GSTCD: variants seen among roughly 807,000 people sequenced by gnomAD.
The protein encoded by GSTCD is glutathione S-transferase C-terminal domain containing.
Under a neutral mutation model 68.3 loss-of-function variants are expected in GSTCD, and 44 were observed. The observed-to-expected ratio is 0.64, with a 90% CI of 0.51 to 0.83. The LOEUF is 0.83. Among genes scored for constraint, GSTCD ranks in the 40% least tolerant of loss-of-function variants. The pLI is 0.00. For missense variants in GSTCD, 739 were observed against 735.9 expected (o/e 1.00, Z -0.05); for synonymous variants, 273 against 255.2 (o/e 1.07, Z -0.67).
intron 5 of GSTCD, chr4:105,761,708 C>T (rs977742753): frequency 3.3e-5 from 5 of 152,046 alleles, no homozygotes; most frequent in African/African-American, 1.2e-4. Context: ...TTGCTATTTA[C>T]TTCTGGGATG....
chr4:105,726,886 A>G (rs1041261001), intron 4 of GSTCD, 56 bp downstream of exon 4: 2 of 1,322,718 alleles, frequency 1.5e-6, no homozygotes, highest in East Asian at 2.3e-5. Flanking sequence ...ATTGCTGAGC[A>G]TTCTACTCCA....
chr4:105,735,561 G>A (rs1004914483), intron 5 of GSTCD, among the ~76,000 whole-genome samples: 1 of 152,016 alleles, frequency 6.6e-6, no homozygotes, highest in Non-Finnish European at 1.5e-5. Context: ...CAATTTTCCG[G>A]GTGCTGTGTG....
chr4:105,758,379 TA>T (rs760271129), intron 5 of GSTCD, among the ~76,000 whole-genome samples: 1 of 152,200 alleles, frequency 6.6e-6, no homozygotes, highest in African/African-American at 2.4e-5. Flanking sequence ...GTTTGGGTCA[TA>T]GGGGCAGATC....
chr4:105,807,271 A>T (rs1350484350), intron 5 of GSTCD: 3 of 152,040 alleles, frequency 2.0e-5, no homozygotes, highest in Non-Finnish European at 4.4e-5. Flanking sequence ...AAAATACTTC[A>T]ACGTGTGTCT....
At chr4:105,785,949 G>T (rs1735448959) in intron 5 of GSTCD, among the ~76,000 whole-genome samples, 2 of 151,934 alleles carry the variant, frequency 1.3e-5, no homozygotes, top group South Asian at 4.1e-4. Flanking sequence ...ACTTGCACCT[G>T]CAATGAACAA....
chr4:105,768,963 T>C (rs1178466036), intron 5 of GSTCD, among the ~76,000 whole-genome samples: 1 of 151,942 alleles, frequency 6.6e-6, no homozygotes, highest in African/African-American at 2.4e-5. Context: ...AGCTATTCAC[T>C]ATTTTATAGA....
intron 5 of GSTCD, among the ~76,000 whole-genome samples, chr4:105,763,809 C>T (rs376287789): frequency 2.0e-5 from 3 of 151,976 alleles, no homozygotes; most frequent in African/African-American, 4.8e-5. Context: ...CAAACCATTC[C>T]AAGGTTTTTA....
chr4:105,845,452 A>G lies in GSTCD; in HGVS notation c.1777A>G (p.Met593Val). Residue 593 changes from methionine to valine, a missense_variant, in exon 12 of 12, where the codon ATG becomes GTG. Physicochemically the swap from Met to Val is conservative, Grantham distance 21 (BLOSUM62 1). Coordinates refer to ENST00000515279, the MANE Select transcript of GSTCD (RefSeq NM_001370181.1). ...TGACTGTGTTTCAGGAAAACAGTGC[A>G]TGTGCTTGGTGGATCTGGATCGAGC... is the stretch of plus-strand genomic sequence containing the variant. Reference protein sequence around the residue: ...PQRRLIGKQCMCLVDLDRARA... With the variant: ...PQRRLIGKQCVCLVDLDRARA... 1 of 1,614,152 alleles carries G rather than the reference A, an allele frequency of 6.2e-7. No individual in the cohort carries two copies. Among genetic ancestry groups the G allele is most frequent in the East Asian group, 2.2e-5 (1 of 44,884 alleles).
chr4:105,831,278 G>C lies in GSTCD; in HGVS notation c.1531-3183G>C, dbSNP rs144173456. ...AACACCGGAGAGAATGATTGGGCTG[G>C]GGCAAGTTTAGAGATCATTCAGTTC... On this transcript the variant is annotated intron_variant, in intron 8 of 11. Coordinates refer to ENST00000515279, the MANE Select transcript of GSTCD (RefSeq NM_001370181.1). Among the ~76,000 whole-genome samples the C allele has an allele frequency of 2.2e-3, 336 of 152,266 alleles. 1 individual carries two copies. The highest frequency in any genetic ancestry group is 7.7e-3 in the African/African-American group (321 of 41,546).
chr4:105,723,816 C>G (rs946031076), intron 3 of GSTCD, among the ~76,000 whole-genome samples: 7 of 151,548 alleles, frequency 4.6e-5, no homozygotes, highest in Non-Finnish European at 7.4e-5. Context: ...TTTCACAACC[C>G]CTAAATGAGT....
At chr4:105,754,984 C>G (rs1734130484) in intron 5 of GSTCD, among the ~76,000 whole-genome samples, 1 of 140,054 alleles carries the variant, frequency 7.1e-6, no homozygotes, top group Non-Finnish European at 1.5e-5. Context: ...CTTTGGGAGG[C>G]TGAGACAGGA....
At chr4:105,757,658 G>A (rs1049522251) in intron 5 of GSTCD, among the ~76,000 whole-genome samples, 1 of 152,074 alleles carries the variant, frequency 6.6e-6, no homozygotes, top group African/African-American at 2.4e-5. Flanking sequence ...TTATATCTCT[G>A]TATCAAAAAG....
intron 5 of GSTCD, among the ~76,000 whole-genome samples, chr4:105,733,179 A>G (rs990371346): frequency 1.3e-5 from 2 of 152,102 alleles, no homozygotes; most frequent in Non-Finnish European, 2.9e-5. Context: ...TTTGGGATGG[A>G]GAGTTCTGTA....
At position 105,769,232 on chromosome 4, in the gene GSTCD, C is replaced by T. The variant is rs914525556; in HGVS notation, c.1240+39733C>T. ...TTTTTAAAAATATACTATACACGCG[C>T]GCACACACACACACACACACACACA... On this transcript the variant is annotated intron_variant, in intron 5 of 11. Transcript: ENST00000515279. Among the ~76,000 whole-genome samples the T allele has an allele frequency of 2.0e-4, 7 of 35,096 alleles. No homozygotes were observed. In the East Asian group the frequency reaches 2.6e-3, roughly 13 times the overall value. 23.0% of individuals were successfully genotyped at this position (35,096 alleles called of 152,430 possible).
intron 5 of GSTCD, among the ~76,000 whole-genome samples, chr4:105,743,798 A>G (rs1259783747): frequency 6.6e-6 from 1 of 151,364 alleles, no homozygotes; most frequent in Non-Finnish European, 1.5e-5. Flanking sequence ...AGCTGGGACT[A>G]CAGGCGCCCG....
At chr4:105,806,902 G>A (rs1722523594) in intron 5 of GSTCD, among the ~76,000 whole-genome samples, 1 of 151,990 alleles carries the variant, frequency 6.6e-6, no homozygotes, top group Admixed American at 6.6e-5. Context: ...GTCCTCAGCA[G>A]TTTTTCTTAT....
intron 3 of GSTCD, among the ~76,000 whole-genome samples, chr4:105,723,390 A>T (rs941802857): frequency 6.6e-6 from 1 of 151,674 alleles, no homozygotes; most frequent in Non-Finnish European, 1.5e-5. Flanking sequence ...AAATATTTGG[A>T]AAAAAAATTG....
chr4:105,766,030 G>A (rs1385964716), intron 5 of GSTCD, among the ~76,000 whole-genome samples: 1 of 152,162 alleles, frequency 6.6e-6, no homozygotes, highest in Admixed American at 6.5e-5. Flanking sequence ...TACATTAATT[G>A]GAGATACTCT....
At chr4:105,827,657 T>A (rs1723701482) in intron 8 of GSTCD, among the ~76,000 whole-genome samples, 1 of 152,152 alleles carries the variant, frequency 6.6e-6, no homozygotes, top group African/African-American at 2.4e-5. Flanking sequence ...CAAAAAAATT[T>A]AAAAAATATT....
Sources: gnomAD v4.1 joint callset for allele counts (sites outside exome capture counted in the v4.1 genomes callset) on GRCh38, gnomAD v4.1.1 for gene constraint, MANE v1.5 for transcripts, NCBI Gene and HGNC (gene_info 2026-07-23, HGNC 2026-07-21) for gene names.